The following NELL1 variants were observed in gnomAD, a reference collection of about 807,000 sequenced individuals.
NELL1 encodes protein kinase C-binding protein NELL1.
A neutral mutation model predicts 107.4 loss-of-function variants in NELL1; 76 were observed. The ratio of observed to expected loss-of-function variants is 0.71; its 90% CI spans 0.59 to 0.86. The LOEUF is 0.86. Among genes scored for constraint, NELL1 ranks in the 40% least tolerant of loss-of-function variants. The pLI, the probability that NELL1 is intolerant of heterozygous loss-of-function variation, is 0.00. For missense variants in NELL1, 1,024 were observed against 1,005.5 expected, an observed-to-expected ratio of 1.02 and a Z score of -0.25; for synonymous variants, 353 against 341.2, an observed-to-expected ratio of 1.03 and a Z score of -0.38.
intron 15 of NELL1, among the ~76,000 whole-genome samples, chr11:21,476,887 T>TA (rs1854349818): frequency 6.6e-6 from 1 of 152,076 alleles, no homozygotes; most frequent in Non-Finnish European, 1.5e-5. Flanking sequence ...ACAGCTGGTG[T>TA]TCATGGAGGG....
At chr11:20,982,900 A>G (rs1851776872) in intron 12 of NELL1, among the ~76,000 whole-genome samples, 1 of 152,348 alleles carries the variant, frequency 6.6e-6, no homozygotes, top group Non-Finnish European at 1.5e-5. Flanking sequence ...TCTTTGTGGA[A>G]AACCTCCAAC....
At chr11:20,840,167 TA>T (rs935531260) in intron 3 of NELL1, among the ~76,000 whole-genome samples, 18 of 152,346 alleles carry the variant, frequency 1.2e-4, no homozygotes, top group Admixed American at 9.8e-4. Context: ...AGAAAATGTA[TA>T]GTTATATATC....
intron 15 of NELL1, among the ~76,000 whole-genome samples, chr11:21,511,673 G>T (rs1855439554): frequency 6.6e-6 from 1 of 152,150 alleles, no homozygotes; most frequent in Admixed American, 6.5e-5. Context: ...CTAAATAAAA[G>T]AAGGATTATA....
At chr11:20,840,982 T>C (rs1260244424) in intron 3 of NELL1, among the ~76,000 whole-genome samples, 1 of 152,224 alleles carries the variant, frequency 6.6e-6, no homozygotes, top group African/African-American at 2.4e-5. Flanking sequence ...TTGTGCCCAT[T>C]GTTACTTTTC....
intron 5 of NELL1, among the ~76,000 whole-genome samples, chr11:20,915,985 A>G (rs1205411025): frequency 2.6e-5 from 4 of 151,564 alleles, no homozygotes; most frequent in Admixed American, 1.3e-4. Flanking sequence ...TTTAGATTAT[A>G]AGTGGTATCT....
chr11:21,137,815 G>A (rs184539376), intron 13 of NELL1, among the ~76,000 whole-genome samples: 1 of 152,086 alleles, frequency 6.6e-6, no homozygotes, highest in Non-Finnish European at 1.5e-5. Flanking sequence ...CGGAAGAGGG[G>A]GTCTATTGTT....
intron 3 of NELL1, among the ~76,000 whole-genome samples, chr11:20,814,285 C>T (rs940701577): frequency 2.6e-5 from 4 of 152,348 alleles, no homozygotes; most frequent in South Asian, 4.1e-4. Context: ...TGAGCCACCA[C>T]ACCCAGCCTA....
At chr11:20,990,093 C>A (rs1690312489) in intron 12 of NELL1, among the ~76,000 whole-genome samples, 1 of 151,992 alleles carries the variant, frequency 6.6e-6, no homozygotes, top group Admixed American at 6.5e-5. Flanking sequence ...ACTGTCCAAG[C>A]TTTGGCCTGA....
chr11:21,235,962 A>C (rs1276478736), intron 14 of NELL1, among the ~76,000 whole-genome samples: 2 of 152,140 alleles, frequency 1.3e-5, no homozygotes, highest in South Asian at 2.1e-4. Flanking sequence ...CCATATGAAT[A>C]GTTTGAACCT....
At chr11:21,137,754 A>G (rs937259634) in intron 13 of NELL1, among the ~76,000 whole-genome samples, 1 of 152,198 alleles carries the variant, frequency 6.6e-6, no homozygotes, top group Non-Finnish European at 1.5e-5. Context: ...TTGTGGAAGA[A>G]GAGGAAACAT....
chr11:20,894,092 A>C (rs551366209), intron 5 of NELL1, among the ~76,000 whole-genome samples: 1 of 152,314 alleles, frequency 6.6e-6, no homozygotes, highest in African/African-American at 2.4e-5. Context: ...GGAAAGCACT[A>C]ATCCTGACCC....
intron 15 of NELL1, among the ~76,000 whole-genome samples, chr11:21,479,491 C>G (rs1854434612): frequency 6.6e-6 from 1 of 152,012 alleles, no homozygotes; most frequent in South Asian, 2.1e-4. Flanking sequence ...CAAATTTAAA[C>G]AGTTAACTAA....
rs559489024 is a variant in NELL1 at position 21,366,209 on chromosome 11, T to C, written c.1550-4644T>C. 6.7e-4 allele frequency among the ~76,000 whole-genome samples: 102 copies of C among 152,146 alleles called. 1 individual carries two copies. The highest frequency in any genetic ancestry group is 2.3e-3 in the African/African-American group (94 of 41,528). On this transcript the variant is annotated intron_variant, in intron 14 of 19. Transcript: ENST00000357134. Reference sequence around the variant, plus strand: ...CTGTTTGTAAACTGAGCTGGCTTGATAAAAATGAACACAGAAGAAGGCCGA... The same window carrying C: ...CTGTTTGTAAACTGAGCTGGCTTGACAAAAATGAACACAGAAGAAGGCCGA...
intron 12 of NELL1, among the ~76,000 whole-genome samples, chr11:21,108,032 T>A (rs1180873470): frequency 1.3e-5 from 2 of 152,114 alleles, no homozygotes; most frequent in African/African-American, 4.8e-5. Flanking sequence ...CTGGGATGGT[T>A]AGGAGCAATG....
intron 13 of NELL1, among the ~76,000 whole-genome samples, chr11:21,204,080 T>C (rs1176109272): frequency 1.3e-5 from 2 of 152,128 alleles, no homozygotes; most frequent in Non-Finnish European, 2.9e-5. Context: ...ATCTGACAAT[T>C]ATGTGTCTTG....
chr11:20,733,744 A>G (rs1181864415), intron 2 of NELL1, among the ~76,000 whole-genome samples: 1 of 152,224 alleles, frequency 6.6e-6, no homozygotes, highest in African/African-American at 2.4e-5. Flanking sequence ...ATTACAAGAT[A>G]ATGTTGAATA....
chr11:21,257,980 G>A (rs1004697555), intron 14 of NELL1, among the ~76,000 whole-genome samples: 2 of 152,024 alleles, frequency 1.3e-5, no homozygotes, highest in African/African-American at 4.8e-5. Context: ...GTGGGGAAGA[G>A]GGAGACACAT....
At chr11:21,252,898 C>T (rs1045182490) in intron 14 of NELL1, among the ~76,000 whole-genome samples, 3 of 152,112 alleles carry the variant, frequency 2.0e-5, no homozygotes, top group Admixed American at 6.6e-5. Flanking sequence ...TCAGCACCTA[C>T]CCCTGATTAA....
chr11:20,673,901 A>G (rs1372671587), intron 1 of NELL1, among the ~76,000 whole-genome samples: 1 of 152,060 alleles, frequency 6.6e-6, no homozygotes, highest in African/African-American at 2.4e-5. Flanking sequence ...GCCCATGTCA[A>G]TGCTGCCTTA....
Sources: allele counts gnomAD v4.1 joint callset (sites outside exome capture counted in the v4.1 genomes callset), GRCh38; gene constraint gnomAD v4.1.1; transcripts MANE v1.5; gene names NCBI Gene and HGNC (gene_info 2026-07-23, HGNC 2026-07-21).